B4GALT1: variants seen among roughly 807,000 people sequenced by gnomAD.
B4GALT1 encodes beta-1,4-galactosyltransferase 1, also known as N-acetyllactosamine synthase.
A neutral mutation model predicts 34.9 loss-of-function variants in B4GALT1; 16 were observed. That is an observed-to-expected ratio of 0.46 (90% CI 0.31 to 0.70). The LOEUF (loss-of-function observed/expected upper bound fraction) is 0.70, where lower values mean the gene tolerates loss of function less well. Ranked by LOEUF, B4GALT1 falls within the 30% of genes least tolerant of loss-of-function variation. B4GALT1 has a pLI of 0.05. For synonymous variants in B4GALT1, 221 were observed against 218.1 expected, an observed-to-expected ratio of 1.01 and a Z score of -0.12; for missense variants, 445 against 530.5, an observed-to-expected ratio of 0.84 and a Z score of 1.58.
chr9:33,118,997 G>C (rs1289224916), intron 3 of B4GALT1, among the ~76,000 whole-genome samples: 1 of 152,098 alleles, frequency 6.6e-6, no homozygotes, highest in Non-Finnish European at 1.5e-5. Flanking sequence ...GAGTAGCTGG[G>C]ATTACAGGCA....
chr9:33,111,276 A>AAAAAAAAAC lies in B4GALT1; in HGVS notation c.*2177_*2178insGTTTTTTTT, dbSNP rs1564033760. 114 of 105,990 alleles carry AAAAAAAAAC rather than the reference A, an allele frequency of 1.1e-3. 2 individuals are homozygous for AAAAAAAAAC. The highest frequency in any genetic ancestry group is 1.6e-3 in the Non-Finnish European group (79 of 49,206). The allele number at this position is 105,990 out of a possible 1,614,324, so 6.6% of individuals were successfully genotyped here. A position where few individuals can be genotyped will look rare whatever the true frequency, so the allele number is the denominator to read the frequency against. ...AAAAAAAAAAAAAAAAAAAAAAAAA[A>AAAAAAAAAC]AACAACAAGAAAAGGTAGAGTTTGG... On this transcript the variant is annotated 3_prime_UTR_variant, in exon 6 of 6. Transcript: ENST00000379731.
At chr9:33,177,067 C>T in the B4GALT1 span, among the ~76,000 whole-genome samples, 1 of 152,124 alleles carries the variant, frequency 6.6e-6, no homozygotes, top group African/African-American at 2.4e-5. Flanking sequence ...ATGCCCTGGG[C>T]CCTCTATAGT....
At chr9:33,142,680 G>A (rs548330886) in intron 1 of B4GALT1, among the ~76,000 whole-genome samples, 2 of 152,148 alleles carry the variant, frequency 1.3e-5, no homozygotes, top group East Asian at 3.9e-4. Context: ...GCAATGGCAT[G>A]ATTATCGAAC....
rs1281829939 is a variant in B4GALT1 at position 33,166,332 on chromosome 9, A to T, written c.412+426T>A. Among the ~76,000 whole-genome samples the T allele has an allele frequency of 3.9e-5, 6 of 152,294 alleles. No homozygotes were observed. In the East Asian group the frequency reaches 1.2e-3, roughly 29 times the overall value. ...GGCAAGACACGTGAACCGAGAGGTC[A>T]GTCTCCTTCCCCACCGGGAGCCTCA... is the stretch of plus-strand genomic sequence containing the variant. On this transcript the variant is annotated intron_variant, in intron 1 of 5. Coordinates refer to ENST00000379731, the MANE Select transcript of B4GALT1 (RefSeq NM_001497.4).
intron 1 of B4GALT1, among the ~76,000 whole-genome samples, chr9:33,159,285 C>T (rs1212868402): frequency 6.6e-6 from 1 of 152,166 alleles, no homozygotes; most frequent in African/African-American, 2.4e-5. Context: ...TGTCATGGGG[C>T]CAAGCAATGA....
downstream of B4GALT1, among the ~76,000 whole-genome samples, chr9:33,107,032 G>A (rs563720144): frequency 9.9e-5 from 15 of 152,186 alleles, no homozygotes; most frequent in Non-Finnish European, 1.9e-4. Flanking sequence ...AACACATCTC[G>A]CTGCAGGGCA....
intron 2 of B4GALT1, chr9:33,104,879 G>A (rs1162114323): frequency 1.8e-5 from 7 of 395,680 alleles, no homozygotes; most frequent in South Asian, 3.8e-5. Flanking sequence ...GTGCAGTGAC[G>A]TGCTAAGTAA....
intron 1 of B4GALT1, among the ~76,000 whole-genome samples, chr9:33,163,569 C>G (rs1379448364): frequency 6.6e-6 from 1 of 152,182 alleles, no homozygotes; most frequent in Non-Finnish European, 1.5e-5. Flanking sequence ...AGGTACTGCC[C>G]ACCTCCCCCC....
intron 1 of B4GALT1, among the ~76,000 whole-genome samples, chr9:33,144,284 A>C (rs768396665): frequency 1.3e-4 from 20 of 152,060 alleles, no homozygotes; most frequent in Admixed American, 7.9e-4. Flanking sequence ...CCCAGGCTGG[A>C]GTGCAGTGGT....
In B4GALT1 at chr9:33,113,207, CT is replaced by C. The variant is rs542029937; in HGVS notation, c.*246del. On this transcript the variant is annotated 3_prime_UTR_variant, in exon 6 of 6. Transcript: ENST00000379731. The stretch of plus-strand genomic sequence containing the variant: ...GTACAGTTCTGACTCTGGGGTGACA[CT>C]GCGAACACATCAAGAAACCCGCAAA... 1.6e-3 allele frequency: 925 copies of C among 565,004 alleles called. 19 individuals carry two copies. The Admixed American group carries it at 0.024, about 15-fold the overall frequency. The allele number at this position is 565,004 out of a possible 1,614,324, so 35.0% of individuals were successfully genotyped here.
At chr9:33,130,002 A>C (rs1318377448) in intron 2 of B4GALT1, among the ~76,000 whole-genome samples, 4 of 152,166 alleles carry the variant, frequency 2.6e-5, no homozygotes, top group African/African-American at 7.2e-5. Flanking sequence ...AACAGGTTTA[A>C]AAGAGGAAGT....
the B4GALT1 span, among the ~76,000 whole-genome samples, chr9:33,175,696 C>G: frequency 1.3e-5 from 2 of 152,254 alleles, no homozygotes; most frequent in South Asian, 4.1e-4. Context: ...TAATTGCCTA[C>G]AGTATTCAGT....
chr9:33,167,106 C>A lies in B4GALT1; in HGVS notation c.64G>T (p.Ala22Ser). The change falls in exon 1 of 6, where the codon GCC (alanine) becomes TCC (serine). Residue 22 changes from alanine (A) to serine (S), a missense_variant. Transcript: ENST00000379731. ...CAGACGGCCACGAGCAGGCGGCAGG[C>A]CCGCTGTAGGGACGCGCCTGGCATC... is the stretch of plus-strand genomic sequence containing the variant. Reference protein sequence around the residue: ...AAMPGASLQRACRLLVAVCAL... With the variant: ...AAMPGASLQRSCRLLVAVCAL... 2 of 1,604,746 alleles carry A rather than the reference C, an allele frequency of 1.2e-6. No individual in the cohort carries two copies. Among genetic ancestry groups the A allele is most frequent in the Non-Finnish European group, 1.7e-6 (2 of 1,178,562 alleles).
chr9:33,129,353 C>A (rs1042198268), intron 2 of B4GALT1, among the ~76,000 whole-genome samples: 4 of 152,230 alleles, frequency 2.6e-5, no homozygotes, highest in Non-Finnish European at 5.9e-5. Context: ...CACAGGCAGC[C>A]TGTGCTCTGG....
chr9:33,163,240 G>C lies in B4GALT1; in HGVS notation c.412+3518C>G, dbSNP rs117649600. On this transcript the variant is annotated intron_variant, in intron 1 of 5. Coordinates refer to ENST00000379731, the MANE Select transcript of B4GALT1 (RefSeq NM_001497.4). ...CTGAGAGCCCAGCAAAGACCAGCAAGTGCTAGGACACAAACCCTGGCAGAC... is the reference window on the plus strand; with the variant it reads ...CTGAGAGCCCAGCAAAGACCAGCAACTGCTAGGACACAAACCCTGGCAGAC... 5.1e-3 allele frequency among the ~76,000 whole-genome samples: 781 copies of C among 152,294 alleles called. 4 individuals are homozygous for C. The highest frequency in any genetic ancestry group is 7.2e-3 in the Non-Finnish European group (490 of 68,032).
At chr9:33,123,752 A>AT (rs1840055022) in intron 2 of B4GALT1, among the ~76,000 whole-genome samples, 1 of 152,144 alleles carries the variant, frequency 6.6e-6, no homozygotes, top group South Asian at 2.1e-4. Context: ...AGGAATTGGA[A>AT]TTTTGGAACC....
In B4GALT1 at chr9:33,113,535, G is replaced by A. The variant is rs374170446; in HGVS notation, c.1116C>T (p.Asn372=). The A allele has an allele frequency of 6.2e-7, 1 of 1,614,122 alleles. No individual in the cohort carries two copies. Among genetic ancestry groups the A allele is most frequent in the African/African-American group, 1.3e-5 (1 of 74,934 alleles). The change falls in exon 6 of 6, where the codon AAC becomes AAT. Residue 372 remains asparagine (N), a synonymous_variant. Transcript: ENST00000379731. ...CATCCAGCACCTGGTAGGTGAGTGAGTTCAAACCATCAGAGAGCATTGTCT... is the reference window on the plus strand; with the variant it reads ...CATCCAGCACCTGGTAGGTGAGTGAATTCAAACCATCAGAGAGCATTGTCT... ...TKETMLSDGL[N]SLTYQVLDVQ... is the part of the protein sequence containing the mutation.
intron 1 of B4GALT1, among the ~76,000 whole-genome samples, chr9:33,142,175 G>T (rs1234053850): frequency 6.6e-6 from 1 of 152,172 alleles, no homozygotes; most frequent in South Asian, 2.1e-4. Flanking sequence ...TAGAGACGGG[G>T]TTTCACCATG....
In B4GALT1 at chr9:33,146,520, C is replaced by A. The variant is rs568354507; in HGVS notation, c.413-11096G>T. Among the ~76,000 whole-genome samples, 14 of 152,182 alleles carry A rather than the reference C, an allele frequency of 9.2e-5. No individual in the cohort carries two copies. In the South Asian group the frequency reaches 2.5e-3, roughly 27 times the overall value. ...CTGGAGCCAGTCACTGACAAGTAGC[C>A]CAGGAAGAATTCCAGAGTCACACTT... On this transcript the variant is annotated intron_variant, in intron 1 of 5. Transcript: ENST00000379731.
Sources: allele counts gnomAD v4.1 joint callset (sites outside exome capture counted in the v4.1 genomes callset), GRCh38; gene constraint gnomAD v4.1.1; transcripts MANE v1.5; gene names NCBI Gene and HGNC (gene_info 2026-07-23, HGNC 2026-07-21).